ABCB1: variants seen among roughly 807,000 people sequenced by gnomAD.
ABCB1 encodes the protein ATP-dependent translocase ABCB1.
ABCB1 carries 69 observed loss-of-function variants against 142.0 expected under a neutral mutation model. The ratio of observed to expected loss-of-function variants is 0.49; its 90% CI spans 0.40 to 0.59. ABCB1 has a LOEUF of 0.59. ABCB1 is among the 20% of genes least tolerant of loss of function. ABCB1 has a pLI of 0.00. For missense variants in ABCB1, 1,326 were observed against 1,554.7 expected, an observed-to-expected ratio of 0.85 and a Z score of 2.47; for synonymous variants, 532 against 539.2, an observed-to-expected ratio of 0.99 and a Z score of 0.18.
intron 15 of ABCB1, 52 bp from the exon 16 acceptor site, chr7:87,545,051 TGA>T: frequency 6.5e-7 from 1 of 1,535,334 alleles, no homozygotes; most frequent in Non-Finnish European, 9.0e-7. Flanking sequence ...TGTTAACCAA[TGA>T]AAGCTAATCA....
At chr7:87,526,731 T>G (rs1815798419) in intron 21 of ABCB1, among the ~76,000 whole-genome samples, 1 of 152,130 alleles carries the variant, frequency 6.6e-6, no homozygotes. Context: ...AAAGAAAGCA[T>G]CAATGTAACC....
intron 1 of ABCB1, among the ~76,000 whole-genome samples, chr7:87,694,495 A>G (rs899719781): frequency 6.6e-6 from 1 of 152,188 alleles, no homozygotes; most frequent in Non-Finnish European, 1.5e-5. Context: ...CAATATAGTC[A>G]TTATTTTTAA....
At chr7:87,668,537 G>T (rs2130501050) in intron 1 of ABCB1, among the ~76,000 whole-genome samples, 1 of 151,552 alleles carries the variant, frequency 6.6e-6, no homozygotes, top group African/African-American at 2.4e-5. Flanking sequence ...GGGTTGATTT[G>T]TTCTTGCCTA....
intron 1 of ABCB1, among the ~76,000 whole-genome samples, chr7:87,708,365 T>A (rs1829787390): frequency 6.6e-6 from 1 of 152,030 alleles, no homozygotes; most frequent in Admixed American, 6.6e-5. Flanking sequence ...ATGAATAACT[T>A]CACATCTATT....
chr7:87,510,886 A>G (rs529368303), intron 25 of ABCB1, among the ~76,000 whole-genome samples: 2 of 152,304 alleles, frequency 1.3e-5, no homozygotes, highest in East Asian at 3.9e-4. Flanking sequence ...AAAGCCAAAC[A>G]AGGATGTGGC....
intron 8 of ABCB1, among the ~76,000 whole-genome samples, chr7:87,555,478 A>C (rs1198008374): frequency 6.6e-6 from 1 of 152,224 alleles, no homozygotes; most frequent in Non-Finnish European, 1.5e-5. Flanking sequence ...TCCAGATATG[A>C]ACATGCATTG....
At chr7:87,591,110 T>C (rs570220983) in intron 3 of ABCB1, among the ~76,000 whole-genome samples, 1 of 152,122 alleles carries the variant, frequency 6.6e-6, no homozygotes, top group Admixed American at 6.6e-5. Context: ...AGGGTGCTTA[T>C]AAGAGGGAGG....
intron 1 of ABCB1, chr7:87,709,178 A>G: frequency 2.3e-6 from 2 of 860,436 alleles, no homozygotes; most frequent in Non-Finnish European, 2.8e-6. Flanking sequence ...CCAGTTTTGT[A>G]TGGATTGAAA....
chr7:87,697,823 C>A (rs1563142105), intron 1 of ABCB1, among the ~76,000 whole-genome samples: 1 of 152,110 alleles, frequency 6.6e-6, no homozygotes, highest in Non-Finnish European at 1.5e-5. Flanking sequence ...GAACCTAAGT[C>A]ATTTTTTCAA....
intron 1 of ABCB1, among the ~76,000 whole-genome samples, chr7:87,706,332 T>C (rs1370366284): frequency 6.6e-6 from 1 of 152,080 alleles, no homozygotes; most frequent in Non-Finnish European, 1.5e-5. Context: ...TTCCATTTTA[T>C]AAGATCAGCT....
chr7:87,544,238 A>G lies in ABCB1; in HGVS notation c.2102T>C (p.Met701Thr). The change falls in exon 17 of 28, where the codon ATG (methionine) becomes ACG (threonine). Residue 701 changes from methionine (M) to threonine (T), a missense_variant. By Grantham distance (81) the Met-to-Thr change is moderately conservative. Coordinates refer to ENST00000622132, the MANE Select transcript of ABCB1 (RefSeq NM_001348946.2). Reference protein sequence around the residue: ...SIPPVSFWRIMKLNLTEWPYF... With the variant: ...SIPPVSFWRITKLNLTEWPYF... The stretch of plus-strand genomic sequence containing the variant: ...AGGCCATTCAGTTAAATTTAGCTTC[A>G]TAATCCTCCAAAAGGAAACTGGAGG... 1 of 1,613,664 alleles carries G rather than the reference A, an allele frequency of 6.2e-7. No homozygotes were observed. The highest frequency in any genetic ancestry group is 8.5e-7 in the Non-Finnish European group (1 of 1,179,910).
chr7:87,532,369 G>T (rs1385876964), intron 20 of ABCB1, among the ~76,000 whole-genome samples: 1 of 152,076 alleles, frequency 6.6e-6, no homozygotes, highest in Admixed American at 6.6e-5. Flanking sequence ...CACAGGATGC[G>T]ACAGGAGGTC....
chr7:87,555,463 C>T (rs1418408718), intron 8 of ABCB1, among the ~76,000 whole-genome samples: 1 of 152,164 alleles, frequency 6.6e-6, no homozygotes, highest in East Asian at 1.9e-4. Flanking sequence ...AGAGCTCAAG[C>T]ACTGTCCAGA....
intron 1 of ABCB1, among the ~76,000 whole-genome samples, chr7:87,671,087 C>T (rs1373459657): frequency 3.9e-5 from 6 of 152,178 alleles, no homozygotes; most frequent in South Asian, 2.1e-4. Context: ...AGATATAGGT[C>T]AGCAGCCCCT....
chr7:87,643,342 A>G (rs1822641927), intron 1 of ABCB1, among the ~76,000 whole-genome samples: 1 of 152,186 alleles, frequency 6.6e-6, no homozygotes, highest in East Asian at 1.9e-4. Context: ...TTTGGTTCCA[A>G]TAAAAGTTTA....
At chr7:87,699,623 C>G (rs1377543189) in intron 1 of ABCB1, among the ~76,000 whole-genome samples, 4 of 152,178 alleles carry the variant, frequency 2.6e-5, no homozygotes, top group African/African-American at 7.2e-5. Context: ...CCAGGCTGGC[C>G]TCGAACTCCT....
intron 1 of ABCB1, among the ~76,000 whole-genome samples, chr7:87,702,725 A>G (rs1028146183): frequency 2.6e-5 from 4 of 152,182 alleles, no homozygotes; most frequent in Non-Finnish European, 5.9e-5. Context: ...AGTCAAATGG[A>G]TCGAACATCC....
intron 8 of ABCB1, 141 bp downstream of exon 8, chr7:87,561,122 G>C: frequency 1.1e-6 from 1 of 947,272 alleles, no homozygotes; most frequent in Non-Finnish European, 1.5e-6. Context: ...CAAAATATTA[G>C]TTATGCTGTA....
chr7:87,651,535 A>C (rs1823570039), intron 1 of ABCB1, among the ~76,000 whole-genome samples: 1 of 152,132 alleles, frequency 6.6e-6, no homozygotes, highest in African/African-American at 2.4e-5. Context: ...TATAGTATAA[A>C]TCTTAGTAAC....
Sources: allele counts gnomAD v4.1 joint callset (sites outside exome capture counted in the v4.1 genomes callset), GRCh38; gene constraint gnomAD v4.1.1; transcripts MANE v1.5; gene names NCBI Gene and HGNC (gene_info 2026-07-23, HGNC 2026-07-21).